The following TM4SF1 variants were observed in gnomAD, a reference collection of about 807,000 sequenced individuals.
The protein encoded by TM4SF1 is transmembrane 4 L6 family member 1.
In TM4SF1, 20 loss-of-function variants were observed where a neutral mutation model predicts 24.5. That is an observed-to-expected ratio of 0.82 (90% confidence interval 0.57 to 1.19). TM4SF1 has a LOEUF of 1.19. TM4SF1 is among the 50% of genes most tolerant of loss of function. The pLI is 0.00. For missense variants in TM4SF1, 258 were observed against 248.1 expected (o/e 1.04, Z -0.27); for synonymous variants, 107 against 95.4 (o/e 1.12, Z -0.71).
At chr3:149,371,160 C>T (rs1731811817) in intron 4 of TM4SF1, 1 of 153,878 alleles carries the variant, frequency 6.5e-6, no homozygotes, top group Non-Finnish European at 1.4e-5. Flanking sequence ...AAAATCCAAC[C>T]AAACAGCAAG....
In TM4SF1 at chr3:149,377,538, C is replaced by A. The variant is rs985834129; in HGVS notation, c.10G>T (p.Gly4Trp). Residue 4 changes from glycine (G) to tryptophan (W), a missense_variant, in exon 1 of 5, where the codon GGG (glycine) becomes TGG (tryptophan). Gly to Trp is a radical substitution (Grantham distance 184, BLOSUM62 -2). Coordinates refer to ENST00000305366, the MANE Select transcript of TM4SF1 (RefSeq NM_014220.3). MCY[G>W]KCARCIGHSL... ...TGTCCGATGCATCGTGCACACTTCC[C>A]ATAGCACATGGTGGTCTGCTAGGTT... 1 of 1,613,006 alleles carries A rather than the reference C, an allele frequency of 6.2e-7. No individual in the cohort carries two copies.
intron 1 of TM4SF1, among the ~76,000 whole-genome samples, chr3:149,376,497 C>T (rs936867807): frequency 2.6e-5 from 4 of 151,926 alleles, no homozygotes; most frequent in Non-Finnish European, 5.9e-5. Flanking sequence ...GGCGAAACCC[C>T]GTCTCATTAA....
chr3:149,369,930 T>C (rs1560001469), intron 4 of TM4SF1, 50 bp from the exon 5 acceptor site: 7 of 1,571,580 alleles, frequency 4.5e-6, no homozygotes, highest in Non-Finnish European at 5.1e-6. Flanking sequence ...TAAATAATGA[T>C]GACATTTTAG....
chr3:149,371,983 T>C, intron 3 of TM4SF1, 116 bp from the exon 4 acceptor site: 1 of 1,004,352 alleles, frequency 1.0e-6, no homozygotes, highest in Non-Finnish European at 1.5e-6. Context: ...TTCAATATCC[T>C]GTGTAAGTTT....
chr3:149,376,866 C>T (rs191485252), intron 1 of TM4SF1, among the ~76,000 whole-genome samples: 26 of 152,288 alleles, frequency 1.7e-4, no homozygotes, highest in East Asian at 3.9e-4. Flanking sequence ...TTTTCCTAGA[C>T]GCCACACCCC....
In TM4SF1 at chr3:149,377,448, C is replaced by T. The variant is rs200534460; in HGVS notation, c.100G>A (p.Glu34Lys). ...ANILLYFPNG[E>K]TKYASENHLS... ...TGGTTTTCGGAGGCATACTTTGTTT[C>T]CCCATTGGGAAAGTAAAGCAAAATA... The change falls in exon 1 of 5, where the codon GAA becomes AAA. Residue 34 changes from glutamate (E) to lysine (K), a missense_variant. Coordinates refer to ENST00000305366, the MANE Select transcript of TM4SF1 (RefSeq NM_014220.3). 1.6e-4 allele frequency: 266 copies of T among 1,614,068 alleles called. No individual in the cohort carries two copies. The highest frequency in any genetic ancestry group is 2.1e-4 in the Non-Finnish European group (245 of 1,180,040).
intron 3 of TM4SF1, among the ~76,000 whole-genome samples, chr3:149,373,935 G>A (rs1346619244): frequency 6.6e-6 from 1 of 152,182 alleles, no homozygotes; most frequent in Non-Finnish European, 1.5e-5. Flanking sequence ...TTGTACATAT[G>A]TGAATAGCCA....
chr3:149,375,463 G>A lies in TM4SF1; in HGVS notation c.393C>T (p.Thr131=), dbSNP rs762601137. The A allele has an allele frequency of 4.3e-6, 7 of 1,614,180 alleles. No homozygotes were observed. The highest frequency in any genetic ancestry group is 3.3e-5 in the Admixed American group (2 of 60,024). ...CLDSLGQWNY[T]FASTEGQYLL... ...CATACTGGCCCTCAGTGCTGGCAAA[G>A]GTGTAGTTCCACTGGCCGAGGGAAT... Residue 131 remains threonine, a synonymous_variant, in exon 3 of 5, where the codon ACC becomes ACT. Coordinates refer to ENST00000305366, the MANE Select transcript of TM4SF1 (RefSeq NM_014220.3).
In TM4SF1 at chr3:149,377,631, G is replaced by A; in HGVS notation, c.-84C>T. 1 of 1,526,976 alleles carries A rather than the reference G, an allele frequency of 6.5e-7. No homozygotes were observed. The highest frequency in any genetic ancestry group is 8.8e-7 in the Non-Finnish European group (1 of 1,138,054). 94.6% of individuals were successfully genotyped at this position (1,526,976 alleles called of 1,614,324 possible). ...TTAGATGAAAGTGTGCCCTTCTGGT[G>A]GAGAAAGCAAACACCACTCTCAGCC... On this transcript the variant is annotated 5_prime_UTR_variant, in exon 1 of 5. Transcript: ENST00000305366.
In TM4SF1 at chr3:149,375,749, G is replaced by T. The variant is rs778165098; in HGVS notation, c.198C>A (p.Val66=). Residue 66 remains valine, a synonymous_variant, in exon 2 of 5, where the codon GTC becomes GTA. Transcript: ENST00000305366. ...GGLLMLLPAF[V]FIGLEQDDCC... ...AGTCATCCTGTTCCAGCCCAATGAA[G>T]ACAAATGCTGGCAGGAGCATCTGGT... 6.2e-7 allele frequency: 1 copy of T among 1,614,194 alleles called. No homozygotes were observed. The highest frequency in any genetic ancestry group is 1.7e-5 in the Admixed American group (1 of 60,022).
rs1731977626 is a variant in TM4SF1 at position 149,377,291 on chromosome 3, C to CA, written c.177+79dup. ...TCACTTGATTTAGAAATATGCATTA[C>CA]AAAAAACTTTCCATGAAAATACATA... On this transcript the variant is annotated intron_variant, in intron 1 of 4. Transcript: ENST00000305366. 12 of 1,518,324 alleles carry CA rather than the reference C, an allele frequency of 7.9e-6. No individual in the cohort carries two copies. In the East Asian group the frequency reaches 2.5e-4, roughly 32 times the overall value. The allele number at this position is 1,518,324 out of a possible 1,614,324, so 94.1% of individuals were successfully genotyped here.
At chr3:149,373,238 G>A (rs900067652) in intron 3 of TM4SF1, among the ~76,000 whole-genome samples, 3 of 152,208 alleles carry the variant, frequency 2.0e-5, no homozygotes, top group African/African-American at 7.2e-5. Flanking sequence ...GTTGCTTTGT[G>A]AAATGTCAGC....
chr3:149,377,175 A>G (rs543915882), intron 1 of TM4SF1, among the ~76,000 whole-genome samples, 196 bp downstream of exon 1: 1 of 152,366 alleles, frequency 6.6e-6, no homozygotes, highest in Non-Finnish European at 1.5e-5. Flanking sequence ...AGCATTTTGT[A>G]AAACAACATC....
chr3:149,375,934 A>G (rs1358348252), intron 1 of TM4SF1, among the ~76,000 whole-genome samples, 165 bp from the exon 2 acceptor site: 1 of 152,250 alleles, frequency 6.6e-6, no homozygotes, highest in Non-Finnish European at 1.5e-5. Flanking sequence ...GAAAAAGACC[A>G]TTTAAATGTC....
intron 4 of TM4SF1, chr3:149,370,343 A>G (rs1731792198): frequency 6.4e-6 from 1 of 155,906 alleles, no homozygotes; most frequent in South Asian, 2.0e-4. Flanking sequence ...GTATCTGGGA[A>G]GAAGCCATCC....
chr3:149,374,278 C>G (rs1249714880), intron 3 of TM4SF1, among the ~76,000 whole-genome samples: 1 of 152,190 alleles, frequency 6.6e-6, no homozygotes, highest in African/African-American at 2.4e-5. Context: ...TTGAACCCAG[C>G]TAATTCAAAT....
At chr3:149,377,318 T>C in intron 1 of TM4SF1, 53 bp downstream of exon 1, 2 of 1,544,414 alleles carry the variant, frequency 1.3e-6, no homozygotes, top group Admixed American at 4.3e-5. Flanking sequence ...AAATACATAA[T>C]GAAAACATCT....
At chr3:149,372,845 A>G (rs1269560590) in intron 3 of TM4SF1, among the ~76,000 whole-genome samples, 2 of 152,212 alleles carry the variant, frequency 1.3e-5, no homozygotes, top group East Asian at 3.8e-4. Flanking sequence ...CATGTAGCAC[A>G]CTGCATTTGC....
chr3:149,371,438 T>G lies in TM4SF1; in HGVS notation c.594+249A>C, dbSNP rs970719609. 5.0e-6 allele frequency: 3 copies of G among 594,312 alleles called. No homozygotes were observed. In the African/African-American group the frequency reaches 5.6e-5, roughly 11 times the overall value. The allele number at this position is 594,312 out of a possible 1,614,324, so 36.8% of individuals were successfully genotyped here. A position where few individuals can be genotyped will look rare whatever the true frequency, so the allele number is the denominator to read the frequency against. Reference sequence around the variant, plus strand: ...ATTAGATCCTGAAGGGAGCGCTGTGTCTATGGGCAGCATGTTCTTGTGTAC... The same window carrying G: ...ATTAGATCCTGAAGGGAGCGCTGTGGCTATGGGCAGCATGTTCTTGTGTAC... On this transcript the variant is annotated intron_variant, in intron 4 of 4. Coordinates refer to ENST00000305366, the MANE Select transcript of TM4SF1 (RefSeq NM_014220.3).
Sources: allele counts gnomAD v4.1 joint callset (sites outside exome capture counted in the v4.1 genomes callset), GRCh38; gene constraint gnomAD v4.1.1; transcripts MANE v1.5; gene names NCBI Gene and HGNC (gene_info 2026-07-23, HGNC 2026-07-21).